PARD3B: variants seen among roughly 807,000 people sequenced by gnomAD.
PARD3B encodes par-3 family cell polarity regulator beta.
Under a neutral mutation model 130.2 loss-of-function variants are expected in PARD3B, and 103 were observed. The observed-to-expected ratio is 0.79, with a 90% CI of 0.67 to 0.93. The LOEUF (loss-of-function observed/expected upper bound fraction) is 0.93, where lower values mean the gene tolerates loss of function less well. Ranked by LOEUF, PARD3B falls within the 40% of genes least tolerant of loss-of-function variation. The probability of loss-of-function intolerance (pLI) is 0.00; values close to 1 mark genes in which losing one functional copy is unlikely to be tolerated. For synonymous variants in PARD3B, 583 were observed against 553.2 expected, an observed-to-expected ratio of 1.05 and a Z score of -0.76; for missense variants, 1,609 against 1,499.2, an observed-to-expected ratio of 1.07 and a Z score of -1.21.
At chr2:205,504,222 C>G (rs1446174034) in intron 21 of PARD3B, among the ~76,000 whole-genome samples, 11 of 152,102 alleles carry the variant, frequency 7.2e-5, no homozygotes, top group Admixed American at 6.6e-4. Flanking sequence ...CCCTTCCTTA[C>G]ACCTTATACA....
chr2:204,946,465 C>A (rs1373300088), intron 2 of PARD3B, among the ~76,000 whole-genome samples: 2 of 135,570 alleles, frequency 1.5e-5, no homozygotes, highest in Non-Finnish European at 3.2e-5. Context: ...TCCATTTTTT[C>A]TGTTAAATCA....
chr2:204,589,962 G>A (rs1237484640), intron 1 of PARD3B, among the ~76,000 whole-genome samples: 2 of 152,088 alleles, frequency 1.3e-5, no homozygotes, highest in South Asian at 2.1e-4. Context: ...GCCATTGATC[G>A]ATTACAATCA....
intron 10 of PARD3B, among the ~76,000 whole-genome samples, chr2:205,133,157 T>A (rs1480782976): frequency 6.6e-6 from 1 of 152,222 alleles, no homozygotes; most frequent in East Asian, 1.9e-4. Flanking sequence ...GTTTTCCATG[T>A]AAATGACAGC....
At chr2:205,600,152 G>A (rs777078631) in intron 22 of PARD3B, among the ~76,000 whole-genome samples, 2 of 152,202 alleles carry the variant, frequency 1.3e-5, no homozygotes, top group Admixed American at 1.3e-4. Flanking sequence ...AGGGATTTGA[G>A]CCTAAATCAA....
At chr2:205,554,069 A>T (rs1033966512) in intron 22 of PARD3B, among the ~76,000 whole-genome samples, 1 of 152,226 alleles carries the variant, frequency 6.6e-6, no homozygotes, top group African/African-American at 2.4e-5. Context: ...TATCAGTAGC[A>T]CATGACAAAG....
rs574224612 is a variant in PARD3B, at chr2:205,129,517, C to T, written c.1434+3780C>T. Among the ~76,000 whole-genome samples, 3 of 152,302 alleles carry T rather than the reference C, an allele frequency of 2.0e-5. No individual in the cohort carries two copies. In the South Asian group the frequency reaches 6.2e-4, roughly 32 times the overall value. ...CTTCTTCCTTATCATGATTGATGTA[C>T]ACACTTGACTTTCCATTGAAAATCT... is the stretch of plus-strand genomic sequence containing the variant. On this transcript the variant is annotated intron_variant, in intron 10 of 22. Transcript: ENST00000406610.
intron 2 of PARD3B, among the ~76,000 whole-genome samples, chr2:204,796,972 C>T (rs924128852): frequency 6.6e-6 from 1 of 151,830 alleles, no homozygotes; most frequent in East Asian, 1.9e-4. Context: ...GTCTGGAGTT[C>T]GAGACCAGCC....
intron 22 of PARD3B, among the ~76,000 whole-genome samples, chr2:205,577,089 T>A (rs2053788171): frequency 6.6e-6 from 1 of 152,214 alleles, no homozygotes; most frequent in African/African-American, 2.4e-5. Flanking sequence ...TTAATTGCAC[T>A]TGTTCATTAC....
At chr2:204,665,803 G>A (rs1054206242) in intron 1 of PARD3B, among the ~76,000 whole-genome samples, 4 of 152,210 alleles carry the variant, frequency 2.6e-5, no homozygotes, top group African/African-American at 7.2e-5. Context: ...CATAGGCATC[G>A]ATTAGCGTAC....
intron 16 of PARD3B, among the ~76,000 whole-genome samples, chr2:205,262,994 A>G (rs531160018): frequency 6.6e-6 from 1 of 152,276 alleles, no homozygotes; most frequent in South Asian, 2.1e-4. Context: ...ATCTAGGCAT[A>G]GAATCCTACC....
intron 4 of PARD3B, among the ~76,000 whole-genome samples, chr2:205,072,144 A>G (rs1331116160): frequency 6.6e-6 from 1 of 152,168 alleles, no homozygotes. Flanking sequence ...AATAAATCAT[A>G]GGCATTAAAT....
intron 15 of PARD3B, among the ~76,000 whole-genome samples, chr2:205,243,456 A>C (rs1327860433): frequency 6.6e-6 from 1 of 152,248 alleles, no homozygotes; most frequent in Non-Finnish European, 1.5e-5. Context: ...TTTCCAAACA[A>C]GGATTCCAAT....
intron 20 of PARD3B, among the ~76,000 whole-genome samples, chr2:205,450,559 C>T (rs549456116): frequency 9.4e-5 from 14 of 149,356 alleles, no homozygotes; most frequent in Non-Finnish European, 1.5e-4. Context: ...CTGCAACCTC[C>T]GCCTCCCAGG....
intron 3 of PARD3B, among the ~76,000 whole-genome samples, chr2:205,003,648 A>T (rs1695030320): frequency 6.6e-6 from 1 of 152,126 alleles, no homozygotes; most frequent in Non-Finnish European, 1.5e-5. Flanking sequence ...CTAACATAGG[A>T]AACAGTTTAT....
rs1235750851 is a variant in PARD3B, at chr2:205,590,436, A to G, written c.3261-25020A>G. 6.6e-6 allele frequency among the ~76,000 whole-genome samples: 1 copy of G among 152,118 alleles called. No homozygotes were observed. Among genetic ancestry groups the G allele is most frequent in the Non-Finnish European group, 1.5e-5 (1 of 68,024 alleles). ...GGATCCTCTCATTTTAACATTTTCC[A>G]CAGAAGTCCTAGGATCATCTCAGGT... On this transcript the variant is annotated intron_variant, in intron 22 of 22. Transcript: ENST00000406610. This position sits in a 1 kb window ranked among gnomAD's most constrained non-coding sequence, Gnocchi z 4.1.
chr2:204,562,306 C>T (rs989216654), intron 1 of PARD3B, among the ~76,000 whole-genome samples: 3 of 152,290 alleles, frequency 2.0e-5, no homozygotes, highest in African/African-American at 7.2e-5. Flanking sequence ...CAGAAATCCT[C>T]ACAGCGCTAA....
chr2:205,057,607 G>GTATGTGTATACGTATATATATACATA (rs1553605803), intron 4 of PARD3B, among the ~76,000 whole-genome samples: 36,296 of 68,034 alleles, frequency 0.53, 16,297 homozygotes, highest in Admixed American at 0.62. Flanking sequence ...ACATATATGT[G>GTATGTGTATACGTATATATATACATA]TATGTGTATG....
chr2:204,568,078 A>G (rs1260432206), intron 1 of PARD3B, among the ~76,000 whole-genome samples: 1 of 152,240 alleles, frequency 6.6e-6, no homozygotes, highest in Non-Finnish European at 1.5e-5. Context: ...ATGACAAATC[A>G]AAAGGGCAAA....
intron 11 of PARD3B, among the ~76,000 whole-genome samples, chr2:205,171,831 G>A (rs1023365757): frequency 2.6e-5 from 4 of 152,170 alleles, no homozygotes; most frequent in Non-Finnish European, 4.4e-5. Flanking sequence ...TTCAAGAGTT[G>A]TGACTACCTC....
Sources: gnomAD v4.1 joint callset for allele counts (sites outside exome capture counted in the v4.1 genomes callset) on GRCh38, gnomAD v4.1.1 for gene constraint, Gnocchi (gnomAD v3.1) non-coding constraint, MANE v1.5 for transcripts, NCBI Gene and HGNC (gene_info 2026-07-23, HGNC 2026-07-21) for gene names.